Variants in SLA observed in about 807,000 individuals in gnomAD.
SLA encodes the protein src-like-adapter.
Under a neutral mutation model 30.3 loss-of-function variants are expected in SLA, and 16 were observed. The ratio of observed to expected loss-of-function variants is 0.53; its 90% CI spans 0.36 to 0.80. The LOEUF (loss-of-function observed/expected upper bound fraction) is 0.80. Among genes scored for constraint, SLA ranks in the 30% least tolerant of loss-of-function variants. The probability of loss-of-function intolerance (pLI) is 0.01; values close to 1 mark genes in which losing one functional copy is unlikely to be tolerated. For synonymous variants in SLA, 143 were observed against 137.8 expected (o/e 1.04, Z -0.26); for missense variants, 310 against 345.2 (o/e 0.90, Z 0.81).
At chr8:133,082,874 C>G (rs575446295) in intron 1 of SLA, among the ~76,000 whole-genome samples, 1 of 152,176 alleles carries the variant, frequency 6.6e-6, no homozygotes, top group East Asian at 1.9e-4. Context: ...ATGCTGATAG[C>G]AATTTGCCAA....
intron 3 of SLA, among the ~76,000 whole-genome samples, chr8:133,057,779 A>AAC (rs1327850233): frequency 1.3e-4 from 19 of 151,966 alleles, no homozygotes; most frequent in African/African-American, 2.7e-4. Context: ...AAAAACAAAA[A>AAC]AAAAAAAACA....
chr8:133,078,471 T>C (rs1041973128), intron 1 of SLA, among the ~76,000 whole-genome samples: 1 of 152,230 alleles, frequency 6.6e-6, no homozygotes, highest in Non-Finnish European at 1.5e-5. Context: ...TTTTCCATAC[T>C]GTTCCTCAGT....
chr8:133,084,121 G>A (rs1318981095), intron 1 of SLA, among the ~76,000 whole-genome samples: 1 of 152,160 alleles, frequency 6.6e-6, no homozygotes, highest in African/African-American at 2.4e-5. Flanking sequence ...TGCTGGTCAA[G>A]AGCTGGCCCA....
intron 2 of SLA, among the ~76,000 whole-genome samples, chr8:133,065,510 CTA>C (rs1431106747): frequency 6.6e-6 from 1 of 152,184 alleles, no homozygotes; most frequent in African/African-American, 2.4e-5. Context: ...ACCTGTGATC[CTA>C]GCACTTTGGG....
intron 2 of SLA, among the ~76,000 whole-genome samples, chr8:133,061,461 C>A (rs898685642): frequency 6.6e-6 from 1 of 152,180 alleles, no homozygotes; most frequent in Non-Finnish European, 1.5e-5. Flanking sequence ...TACTGATTGT[C>A]CTTAATGATA....
At chr8:133,062,589 C>G (rs1842523947) in intron 2 of SLA, among the ~76,000 whole-genome samples, 1 of 152,274 alleles carries the variant, frequency 6.6e-6, no homozygotes, top group East Asian at 1.9e-4. Context: ...ACCAGGCCTC[C>G]CTGGCCCTGA....
chr8:133,083,446 G>A (rs1328411120), intron 1 of SLA, among the ~76,000 whole-genome samples: 5 of 152,124 alleles, frequency 3.3e-5, no homozygotes, highest in South Asian at 2.1e-4. Flanking sequence ...GGAAACTAAG[G>A]CACTGGGACT....
chr8:133,040,231 GC>G, intron 7 of SLA, 101 bp from the exon 8 acceptor site: 1 of 1,307,610 alleles, frequency 7.6e-7, no homozygotes, highest in Non-Finnish European at 1.1e-6. Context: ...CCTGGCTGCT[GC>G]CATGGGGAAC....
At chr8:133,061,451 T>TA (rs1214371145) in intron 2 of SLA, among the ~76,000 whole-genome samples, 1 of 152,242 alleles carries the variant, frequency 6.6e-6, no homozygotes, top group African/African-American at 2.4e-5. Flanking sequence ...TTACTCTGTT[T>TA]ACTGATTGTC....
At chr8:133,055,631 T>C (rs1216111484) in intron 3 of SLA, among the ~76,000 whole-genome samples, 1 of 152,178 alleles carries the variant, frequency 6.6e-6, no homozygotes, top group Non-Finnish European at 1.5e-5. Flanking sequence ...ACCTTGAGTC[T>C]TTTCAGGGTC....
chr8:133,081,948 A>G (rs541054465), intron 1 of SLA, among the ~76,000 whole-genome samples: 5 of 152,364 alleles, frequency 3.3e-5, no homozygotes, highest in East Asian at 3.9e-4. Flanking sequence ...GGAAACAGGC[A>G]TCTCATTTCT....
At chr8:133,038,952 A>C (rs1436205543) in intron 8 of SLA, among the ~76,000 whole-genome samples, 2 of 152,128 alleles carry the variant, frequency 1.3e-5, no homozygotes, top group East Asian at 3.8e-4. Flanking sequence ...ATCTCTGCTC[A>C]CTGCAACCTC....
At chr8:133,065,942 A>T (rs941216976) in intron 2 of SLA, among the ~76,000 whole-genome samples, 1 of 152,114 alleles carries the variant, frequency 6.6e-6, no homozygotes, top group Non-Finnish European at 1.5e-5. Context: ...AGCGGGGATG[A>T]GGGGTGCAGA....
At chr8:133,089,969 G>T (rs1343006970) in intron 1 of SLA, 1 of 152,138 alleles carries the variant, frequency 6.6e-6, no homozygotes, top group Non-Finnish European at 1.5e-5. Flanking sequence ...CAAAGTGCAA[G>T]AATTCTTGGC....
chr8:133,051,644 G>A (rs1840431574), intron 3 of SLA, among the ~76,000 whole-genome samples: 2 of 152,116 alleles, frequency 1.3e-5, no homozygotes, highest in Non-Finnish European at 2.9e-5. Flanking sequence ...AAGGAAAGAG[G>A]GCTGTCTGGT....
At chr8:133,049,253 T>C in intron 5 of SLA, 3 of 419,288 alleles carry the variant, frequency 7.2e-6, no homozygotes, top group Non-Finnish European at 1.4e-5. Flanking sequence ...CTCTTGTTTA[T>C]CTTACCCATT....
At chr8:133,058,661 G>A (rs1243902729) in intron 3 of SLA, among the ~76,000 whole-genome samples, 1 of 152,160 alleles carries the variant, frequency 6.6e-6, no homozygotes, top group Non-Finnish European at 1.5e-5. Flanking sequence ...TGGAGAGGGT[G>A]AGAAAGAGCC....
At chr8:133,078,174 C>T (rs1168636897) in intron 1 of SLA, among the ~76,000 whole-genome samples, 1 of 152,188 alleles carries the variant, frequency 6.6e-6, no homozygotes, top group African/African-American at 2.4e-5. Flanking sequence ...CCATCATACA[C>T]GTGACCCAAG....
At chr8:133,087,492 C>G (rs1302418682) in intron 1 of SLA, among the ~76,000 whole-genome samples, 1 of 152,164 alleles carries the variant, frequency 6.6e-6, no homozygotes, top group Non-Finnish European at 1.5e-5. Context: ...CAAAGGTTTT[C>G]TAAATGGACT....
Sources: gnomAD v4.1 joint callset for allele counts (sites outside exome capture counted in the v4.1 genomes callset) on GRCh38, gnomAD v4.1.1 for gene constraint, MANE v1.5 for transcripts, NCBI Gene and HGNC (gene_info 2026-07-23, HGNC 2026-07-21) for gene names.